RASSF8: variants seen among roughly 807,000 people sequenced by gnomAD.
RASSF8 encodes Ras association domain family member 8, also known as ras association domain-containing protein 8.
A neutral mutation model predicts 48.5 loss-of-function variants in RASSF8; 22 were observed. The observed-to-expected ratio is 0.45, with a 90% CI of 0.32 to 0.65. RASSF8 has a LOEUF of 0.65. RASSF8 is among the 30% of genes least tolerant of loss of function. The pLI, the probability that RASSF8 is intolerant of heterozygous loss-of-function variation, is 0.03. For synonymous variants in RASSF8, 127 were observed against 171.5 expected, an observed-to-expected ratio of 0.74 and a Z score of 2.03; for missense variants, 418 against 489.2, an observed-to-expected ratio of 0.85 and a Z score of 1.37.
intron 1 of RASSF8, among the ~76,000 whole-genome samples, chr12:25,972,969 T>G (rs1226497955): frequency 2.6e-5 from 4 of 152,210 alleles, no homozygotes; most frequent in Non-Finnish European, 4.4e-5. Flanking sequence ...GTGTCTTGGT[T>G]TCTGGCACCC....
At chr12:25,994,352 C>T (rs577279535) in intron 1 of RASSF8, among the ~76,000 whole-genome samples, 1 of 152,048 alleles carries the variant, frequency 6.6e-6, no homozygotes, top group South Asian at 2.1e-4. Flanking sequence ...AATGCAGAAA[C>T]ATCTGTGAAG....
At chr12:26,044,501 AGCTGTTTATATTATC>A (rs1209113113) in intron 2 of RASSF8, among the ~76,000 whole-genome samples, 5 of 152,216 alleles carry the variant, frequency 3.3e-5, no homozygotes, top group African/African-American at 1.2e-4. Context: ...CCTACAGTTG[AGCTGTTTATATTATC>A]AATGTACTGT....
intron 1 of RASSF8, among the ~76,000 whole-genome samples, chr12:25,988,325 C>T (rs1325182007): frequency 1.3e-5 from 2 of 152,112 alleles, no homozygotes; most frequent in African/African-American, 4.8e-5. Context: ...ACTGTCAGGT[C>T]TTTAAAAGCA....
At chr12:26,056,218 G>A (rs953606802) in intron 3 of RASSF8, among the ~76,000 whole-genome samples, 2 of 152,026 alleles carry the variant, frequency 1.3e-5, no homozygotes, top group East Asian at 3.9e-4. Flanking sequence ...ATTATACAGT[G>A]AAAATGAAGC....
At chr12:26,077,597 C>T (rs1347322362), downstream of RASSF8, among the ~76,000 whole-genome samples, 1 of 152,010 alleles carries the variant, frequency 6.6e-6, no homozygotes, top group Non-Finnish European at 1.5e-5. Flanking sequence ...ATTTCTGAGG[C>T]CTCTGTTCTG....
At chr12:25,988,131 G>C (rs1340065955) in intron 1 of RASSF8, among the ~76,000 whole-genome samples, 1 of 151,954 alleles carries the variant, frequency 6.6e-6, no homozygotes. Flanking sequence ...AAAGTGCTGG[G>C]ATTACAGGTG....
At chr12:26,062,286 TTAGAG>T (rs1401426389) in intron 3 of RASSF8, among the ~76,000 whole-genome samples, 2 of 152,210 alleles carry the variant, frequency 1.3e-5, no homozygotes, top group African/African-American at 4.8e-5. Flanking sequence ...TTGGGAGCAA[TTAGAG>T]TAATTTTTAA....
At chr12:26,021,247 A>T (rs904589929) in intron 2 of RASSF8, among the ~76,000 whole-genome samples, 4 of 152,232 alleles carry the variant, frequency 2.6e-5, no homozygotes, top group Non-Finnish European at 5.9e-5. Context: ...GAAGAAACAT[A>T]TATTTAAGAA....
At chr12:25,991,191 G>T (rs1942005578) in intron 1 of RASSF8, among the ~76,000 whole-genome samples, 1 of 150,350 alleles carries the variant, frequency 6.7e-6, no homozygotes, top group Non-Finnish European at 1.5e-5. Context: ...TTCTTCTGTT[G>T]TTTAAAAAAA....
rs190886404 is a variant in RASSF8, at chr12:26,027,874, T to C, written c.-108-27362T>C. 1.6e-3 allele frequency among the ~76,000 whole-genome samples: 248 copies of C among 152,016 alleles called. 1 individual carries two copies. The highest frequency in any genetic ancestry group is 5.6e-3 in the African/African-American group (234 of 41,442). ...GCCTGAAAAAGAACAGCCCAGAAGA[T>C]GACAGAGGGGAATGACCAGATGGGT... On this transcript the variant is annotated intron_variant, in intron 2 of 5. Coordinates refer to ENST00000689635, the MANE Select transcript of RASSF8 (RefSeq NM_001394098.1).
intron 3 of RASSF8, among the ~76,000 whole-genome samples, chr12:26,060,481 T>G (rs1456978621): frequency 6.6e-6 from 1 of 152,222 alleles, no homozygotes; most frequent in Non-Finnish European, 1.5e-5. Context: ...TAAAATTCTT[T>G]AAGCTTTTAT....
chr12:26,026,402 T>C (rs1942914019), intron 2 of RASSF8, among the ~76,000 whole-genome samples: 1 of 152,148 alleles, frequency 6.6e-6, no homozygotes, highest in South Asian at 2.1e-4. Flanking sequence ...AAATAAGATA[T>C]GATTTCATAC....
At chr12:25,999,405 A>G (rs886963536) in intron 2 of RASSF8, among the ~76,000 whole-genome samples, 1 of 152,218 alleles carries the variant, frequency 6.6e-6, no homozygotes, top group Non-Finnish European at 1.5e-5. Flanking sequence ...AATTTGACCT[A>G]AAATTATTAG....
chr12:26,036,279 A>G (rs889432547), intron 2 of RASSF8, among the ~76,000 whole-genome samples: 3 of 152,032 alleles, frequency 2.0e-5, no homozygotes, highest in African/African-American at 7.2e-5. Context: ...GGGGGAAACC[A>G]ATGGCTTCTG....
intron 2 of RASSF8, among the ~76,000 whole-genome samples, chr12:26,025,345 CAGG>C: frequency 1.3e-5 from 2 of 152,016 alleles, no homozygotes; most frequent in East Asian, 3.9e-4. Flanking sequence ...ATCACGAGGT[CAGG>C]AGATCGAGAC....
At chr12:25,973,746 C>G (rs537686328) in intron 1 of RASSF8, 3 of 152,068 alleles carry the variant, frequency 2.0e-5, no homozygotes, top group Admixed American at 6.6e-5. Context: ...CTATCTGTTC[C>G]CTTCTACCAT....
intron 2 of RASSF8, among the ~76,000 whole-genome samples, chr12:26,042,781 C>T (rs74865667): frequency 0.031 from 4,758 of 152,102 alleles, 88 homozygotes; most frequent in East Asian, 0.061. Flanking sequence ...AGAACAATAG[C>T]ATTTTTTCTT....
At chr12:26,007,150 A>G (rs1469774598) in intron 2 of RASSF8, among the ~76,000 whole-genome samples, 2 of 152,090 alleles carry the variant, frequency 1.3e-5, no homozygotes, top group Non-Finnish European at 2.9e-5. Context: ...GGCAGAGCTC[A>G]TAGTGAGAAC....
intron 2 of RASSF8, among the ~76,000 whole-genome samples, chr12:26,024,062 T>A (rs144652389): frequency 1.8e-4 from 27 of 152,288 alleles, no homozygotes; most frequent in African/African-American, 6.5e-4. Context: ...TATTTTGGGG[T>A]TTGTAAGGTA....
Sources: gnomAD v4.1 joint callset for allele counts (sites outside exome capture counted in the v4.1 genomes callset) on GRCh38, gnomAD v4.1.1 for gene constraint, MANE v1.5 for transcripts, NCBI Gene and HGNC (gene_info 2026-07-23, HGNC 2026-07-21) for gene names.